LRRC4C: variants seen among roughly 807,000 people sequenced by gnomAD.
LRRC4C encodes leucine rich repeat containing 4C.
Under a neutral mutation model 33.6 loss-of-function variants are expected in LRRC4C, and 5 were observed. The ratio of observed to expected loss-of-function variants is 0.15; its 90% CI spans 0.08 to 0.31. LRRC4C has a LOEUF of 0.31. Among genes scored for constraint, LRRC4C ranks in the 10% least tolerant of loss-of-function variants. LRRC4C has a pLI of 1.00. For missense variants in LRRC4C, 560 were observed against 796.7 expected (o/e 0.70, Z 3.58); for synonymous variants, 329 against 302.0 (o/e 1.09, Z -0.93).
chr11:40,915,004 C>T (rs1393143735), intron 2 of LRRC4C, among the ~76,000 whole-genome samples: 1 of 152,146 alleles, frequency 6.6e-6, no homozygotes, highest in Non-Finnish European at 1.5e-5. Flanking sequence ...TGAAGGACCT[C>T]TTCAAGGAGA....
At chr11:40,337,063 G>A (rs983452079) in intron 3 of LRRC4C, among the ~76,000 whole-genome samples, 1 of 149,090 alleles carries the variant, frequency 6.7e-6, no homozygotes, top group Non-Finnish European at 1.5e-5. Context: ...TCACCAAGAA[G>A]CGCACATCCG....
rs117571368 is a variant in LRRC4C at position 40,433,233 on chromosome 11, T to G, written c.-269-113512A>C. Among the ~76,000 whole-genome samples the G allele has an allele frequency of 6.7e-4, 102 of 152,224 alleles. 1 individual carries two copies. The highest frequency in any genetic ancestry group is 1.3e-3 in the Non-Finnish European group (87 of 68,022). On this transcript the variant is annotated intron_variant, in intron 3 of 6. Transcript: ENST00000528697. ...TAAAAGCTGGATTGTGGATACAATC[T>G]CTCTTGACATTACATTATTTTCAAC...
intron 1 of LRRC4C, among the ~76,000 whole-genome samples, chr11:41,101,981 G>A (rs1941215784): frequency 6.6e-6 from 1 of 152,030 alleles, no homozygotes; most frequent in Non-Finnish European, 1.5e-5. Context: ...GGGCCTACTT[G>A]AGGGTAAAGA....
intron 1 of LRRC4C, among the ~76,000 whole-genome samples, chr11:41,109,155 C>A (rs935446527): frequency 6.6e-6 from 1 of 151,924 alleles, no homozygotes; most frequent in Non-Finnish European, 1.5e-5. Flanking sequence ...CCTTTCCAAT[C>A]CCAGAAAAAA....
intron 1 of LRRC4C, among the ~76,000 whole-genome samples, chr11:41,298,749 T>C (rs759312253): frequency 3.9e-5 from 6 of 152,218 alleles, no homozygotes; most frequent in Non-Finnish European, 7.3e-5. Flanking sequence ...ACCCAAATAG[T>C]GTACATTGTA....
intron 2 of LRRC4C, among the ~76,000 whole-genome samples, chr11:40,786,942 G>A (rs1218540563): frequency 6.6e-6 from 1 of 151,940 alleles, no homozygotes; most frequent in Non-Finnish European, 1.5e-5. Flanking sequence ...TCTTGGTCAA[G>A]GTTTTTGGTT....
chr11:41,349,600 A>G (rs1014744884), intron 1 of LRRC4C, among the ~76,000 whole-genome samples: 2 of 152,140 alleles, frequency 1.3e-5, no homozygotes, highest in Admixed American at 1.3e-4. Flanking sequence ...CTAATTGACT[A>G]AACTCAACTT....
rs141782721 is a variant in LRRC4C, at chr11:40,658,961, A to G, written c.-406-10683T>C. Among the ~76,000 whole-genome samples, 695 of 152,298 alleles carry G rather than the reference A, an allele frequency of 4.6e-3. 5 individuals are homozygous for G. Among genetic ancestry groups the G allele is most frequent in the African/African-American group, 0.016 (668 of 41,584 alleles). Reference sequence around the variant, plus strand: ...TGGATAGCCAGCAGGAGCTGGGCAGAGATGAGAGCCCTGCACCCTAATGAG... The same window carrying G: ...TGGATAGCCAGCAGGAGCTGGGCAGGGATGAGAGCCCTGCACCCTAATGAG... On this transcript the variant is annotated intron_variant, in intron 2 of 6. Coordinates refer to ENST00000528697, the MANE Select transcript of LRRC4C (RefSeq NM_001258419.2).
intron 3 of LRRC4C, among the ~76,000 whole-genome samples, chr11:40,419,470 T>A (rs1950445532): frequency 6.6e-6 from 1 of 152,032 alleles, no homozygotes; most frequent in Non-Finnish European, 1.5e-5. Flanking sequence ...TTGGAAACTG[T>A]GAATACCAGA....
chr11:40,952,348 G>A (rs562464844), intron 1 of LRRC4C, among the ~76,000 whole-genome samples: 101 of 151,966 alleles, frequency 6.6e-4, no homozygotes, highest in Non-Finnish European at 1.3e-3. Context: ...GGCTTCGAAA[G>A]CTACCTTTAA....
chr11:40,760,291 T>C (rs565811372), intron 2 of LRRC4C, among the ~76,000 whole-genome samples: 5 of 152,118 alleles, frequency 3.3e-5, no homozygotes, highest in South Asian at 2.1e-4. Context: ...ACAACCACAC[T>C]CATTCATTTC....
intron 2 of LRRC4C, among the ~76,000 whole-genome samples, chr11:40,725,863 C>T (rs1591558883): frequency 6.6e-6 from 1 of 152,242 alleles, no homozygotes; most frequent in African/African-American, 2.4e-5. Context: ...AAGCCTATTA[C>T]ATCTTGCCTG....
intron 5 of LRRC4C, among the ~76,000 whole-genome samples, chr11:40,198,966 A>G (rs1862488818): frequency 6.6e-6 from 1 of 152,358 alleles, no homozygotes; most frequent in African/African-American, 2.4e-5. Flanking sequence ...GGTAGCAGGA[A>G]GGCAAATACA....
chr11:41,298,785 A>T (rs1041127319), intron 1 of LRRC4C, among the ~76,000 whole-genome samples: 2 of 150,500 alleles, frequency 1.3e-5, no homozygotes, highest in Admixed American at 6.6e-5. Context: ...CTCATCTCCC[A>T]CCCACCCTTG....
chr11:40,403,062 T>G (rs1949821872), intron 3 of LRRC4C, among the ~76,000 whole-genome samples: 1 of 152,106 alleles, frequency 6.6e-6, no homozygotes, highest in South Asian at 2.1e-4. Flanking sequence ...AGTTATAATT[T>G]GTATGGCCTT....
intron 1 of LRRC4C, among the ~76,000 whole-genome samples, chr11:41,015,803 C>T (rs958686983): frequency 6.6e-6 from 1 of 152,076 alleles, no homozygotes; most frequent in Non-Finnish European, 1.5e-5. Flanking sequence ...TTTGCAACAG[C>T]ATACATGGAC....
chr11:40,885,807 C>T (rs1464188065), intron 2 of LRRC4C, among the ~76,000 whole-genome samples: 1 of 152,000 alleles, frequency 6.6e-6, no homozygotes, highest in East Asian at 1.9e-4. Context: ...TGGCCTCTAC[C>T]CTGTACCAGG....
intron 4 of LRRC4C, among the ~76,000 whole-genome samples, chr11:40,246,018 G>T (rs1866306871): frequency 3.4e-5 from 5 of 148,144 alleles, no homozygotes; most frequent in Admixed American, 2.7e-4. Context: ...TTGTTGCCCA[G>T]GCTGGAGTGC....
chr11:40,559,433 C>T (rs1957461411), intron 3 of LRRC4C, among the ~76,000 whole-genome samples: 1 of 152,152 alleles, frequency 6.6e-6, no homozygotes, highest in Non-Finnish European at 1.5e-5. Flanking sequence ...GATCAAGCTG[C>T]CTTGGCCTCC....
Sources: gnomAD v4.1 joint callset for allele counts (sites outside exome capture counted in the v4.1 genomes callset) on GRCh38, gnomAD v4.1.1 for gene constraint, MANE v1.5 for transcripts, NCBI Gene and HGNC (gene_info 2026-07-23, HGNC 2026-07-21) for gene names.